PELI2: variants seen among roughly 807,000 people sequenced by gnomAD.
PELI2 encodes pellino E3 ubiquitin protein ligase family member 2.
In PELI2, 23 loss-of-function variants were observed where a neutral mutation model predicts 42.3. The observed-to-expected ratio is 0.54, with a 90% CI of 0.39 to 0.77. PELI2 has a LOEUF of 0.77. Ranked by LOEUF, PELI2 falls within the 30% of genes least tolerant of loss-of-function variation. PELI2 has a pLI of 0.00. For synonymous variants in PELI2, 245 were observed against 212.2 expected (o/e 1.15, Z -1.34); for missense variants, 463 against 553.2 (o/e 0.84, Z 1.64).
intron 2 of PELI2, among the ~76,000 whole-genome samples, chr14:56,198,004 A>ACACACACACC (rs1218927078): frequency 7.6e-6 from 1 of 132,294 alleles, no homozygotes; most frequent in Non-Finnish European, 1.8e-5. Flanking sequence ...ACACACACAC[A>ACACACACACC]CACACACACC....
intron 2 of PELI2, among the ~76,000 whole-genome samples, chr14:56,233,083 C>T (rs1420960995): frequency 1.3e-5 from 2 of 152,066 alleles, no homozygotes; most frequent in African/African-American, 4.8e-5. Flanking sequence ...AACTACAAAC[C>T]TCTGCTCAAC....
At chr14:56,283,149 C>T (rs954501797) in intron 3 of PELI2, among the ~76,000 whole-genome samples, 5 of 152,160 alleles carry the variant, frequency 3.3e-5, no homozygotes, top group Non-Finnish European at 7.4e-5. Flanking sequence ...GTGTATTCCG[C>T]ACTGTTGAAC....
intron 1 of PELI2, among the ~76,000 whole-genome samples, chr14:56,164,275 C>T (rs1884872213): frequency 6.6e-6 from 1 of 151,972 alleles, no homozygotes; most frequent in Non-Finnish European, 1.5e-5. Context: ...TTGTCAAATG[C>T]TTTTTAAGCA....
intron 1 of PELI2, among the ~76,000 whole-genome samples, chr14:56,144,760 C>A (rs984110920): frequency 6.6e-6 from 1 of 152,122 alleles, no homozygotes; most frequent in Non-Finnish European, 1.5e-5. Context: ...TAGCACTGTT[C>A]AGAATCTCTA....
chr14:56,185,095 C>G (rs1885723412), intron 2 of PELI2, among the ~76,000 whole-genome samples: 1 of 151,928 alleles, frequency 6.6e-6, no homozygotes, highest in Non-Finnish European at 1.5e-5. Context: ...TAATATCACT[C>G]CTGACATGAA....
chr14:56,144,950 A>T lies in PELI2; in HGVS notation c.77+26213A>T, dbSNP rs539948021. 51 of 982,810 alleles carry T rather than the reference A, an allele frequency of 5.2e-5. 1 individual carries two copies. In the South Asian group the frequency reaches 2.1e-3, roughly 41 times the overall value. 60.9% of individuals were successfully genotyped at this position (982,810 alleles called of 1,614,324 possible). On this transcript the variant is annotated intron_variant, in intron 1 of 5. Transcript: ENST00000267460. ...TTTGCCGGTGTTTCCATTACAGGAG[A>T]AGAGGGATGTGGAAGACCCAGTTTG...
intron 2 of PELI2, among the ~76,000 whole-genome samples, chr14:56,251,063 C>G (rs1175066119): frequency 1.3e-5 from 2 of 152,180 alleles, no homozygotes; most frequent in Non-Finnish European, 2.9e-5. Flanking sequence ...TTCCTTGGTT[C>G]TGAGCTACAG....
chr14:56,248,907 T>C (rs541348513), intron 2 of PELI2, among the ~76,000 whole-genome samples: 221 of 152,248 alleles, frequency 1.5e-3, no homozygotes, highest in African/African-American at 5.1e-3. Context: ...TCATGTTTCT[T>C]CTTAGGAAGT....
At chr14:56,140,900 G>T (rs1420742100) in intron 1 of PELI2, among the ~76,000 whole-genome samples, 1 of 152,192 alleles carries the variant, frequency 6.6e-6, no homozygotes, top group Non-Finnish European at 1.5e-5. Flanking sequence ...GATGCATGAA[G>T]CTGGCAGGTT....
intron 1 of PELI2, among the ~76,000 whole-genome samples, chr14:56,158,901 C>T: frequency 6.6e-6 from 1 of 152,098 alleles, no homozygotes; most frequent in African/African-American, 2.4e-5. Context: ...TACCATCTGT[C>T]TTCTTTAATA....
chr14:56,141,892 A>G (rs1044520273), intron 1 of PELI2, among the ~76,000 whole-genome samples: 3 of 152,238 alleles, frequency 2.0e-5, no homozygotes, highest in Non-Finnish European at 2.9e-5. Context: ...ATTTCATGAC[A>G]AGGAAAATTC....
intron 2 of PELI2, among the ~76,000 whole-genome samples, chr14:56,260,903 C>G (rs1339272935): frequency 6.6e-6 from 1 of 152,076 alleles, no homozygotes. Flanking sequence ...GATTTGAAGC[C>G]ATGTATTTTG....
At chr14:56,259,585 G>C (rs1888644681) in intron 2 of PELI2, among the ~76,000 whole-genome samples, 1 of 152,114 alleles carries the variant, frequency 6.6e-6, no homozygotes, top group Admixed American at 6.6e-5. Context: ...TACTGGATAA[G>C]TTAAACGTTC....
intron 2 of PELI2, among the ~76,000 whole-genome samples, chr14:56,260,001 G>A (rs532648836): frequency 1.3e-5 from 2 of 152,076 alleles, no homozygotes; most frequent in African/African-American, 4.8e-5. Flanking sequence ...CATATTTCTG[G>A]ATATTATTGA....
At chr14:56,156,078 T>A (rs558822805) in intron 1 of PELI2, among the ~76,000 whole-genome samples, 1 of 152,238 alleles carries the variant, frequency 6.6e-6, no homozygotes, top group Non-Finnish European at 1.5e-5. Context: ...TCTACTGTTT[T>A]ATCTTTAATT....
chr14:56,229,162 G>A (rs1887468032), intron 2 of PELI2, among the ~76,000 whole-genome samples: 1 of 152,220 alleles, frequency 6.6e-6, no homozygotes, highest in South Asian at 2.1e-4. Flanking sequence ...TCCACCTGTG[G>A]GGGCAGGGAA....
chr14:56,235,933 A>T (rs920130124), intron 2 of PELI2, among the ~76,000 whole-genome samples: 2 of 152,188 alleles, frequency 1.3e-5, no homozygotes, highest in Non-Finnish European at 2.9e-5. Flanking sequence ...CAATTTCATT[A>T]TCTATGTAAA....
At position 56,180,053 on chromosome 14, in the gene PELI2, A is replaced by G. The variant is rs1318547006; in HGVS notation, c.207+1589A>G. Among the ~76,000 whole-genome samples, 1 of 152,062 alleles carries G rather than the reference A, an allele frequency of 6.6e-6. No individual in the cohort carries two copies. The highest frequency in any genetic ancestry group is 1.5e-5 in the Non-Finnish European group (1 of 67,984). Reference sequence around the variant, plus strand: ...CCATCTCCTCCCATTTTAGCCTTTTATGTTTTACTTTTATACCTAGATTTT... The same window carrying G: ...CCATCTCCTCCCATTTTAGCCTTTTGTGTTTTACTTTTATACCTAGATTTT... On this transcript the variant is annotated intron_variant, in intron 2 of 5. Coordinates refer to ENST00000267460, the MANE Select transcript of PELI2 (RefSeq NM_021255.3). This position sits in a 1 kb window ranked among gnomAD's most constrained non-coding sequence, Gnocchi z 4.4.
chr14:56,213,731 A>AGG (rs1038385123), intron 2 of PELI2, among the ~76,000 whole-genome samples: 3 of 152,182 alleles, frequency 2.0e-5, no homozygotes, highest in African/African-American at 7.2e-5. Flanking sequence ...AATATTGGTG[A>AGG]GGGGTAGGAA....
Sources: gnomAD v4.1 joint callset for allele counts (sites outside exome capture counted in the v4.1 genomes callset) on GRCh38, gnomAD v4.1.1 for gene constraint, Gnocchi (gnomAD v3.1) non-coding constraint, MANE v1.5 for transcripts, NCBI Gene and HGNC (gene_info 2026-07-23, HGNC 2026-07-21) for gene names.